The following CNTNAP2 variants were observed in gnomAD, a reference collection of about 807,000 sequenced individuals.
CNTNAP2 encodes the protein contactin-associated protein-like 2.
In CNTNAP2, 98 loss-of-function variants were observed where a neutral mutation model predicts 155.2. The observed-to-expected ratio is 0.63, with a 90% CI of 0.54 to 0.75. The LOEUF is 0.75. Ranked by LOEUF, CNTNAP2 falls within the 30% of genes least tolerant of loss-of-function variation. The pLI is 0.00. For missense variants in CNTNAP2, 1,727 were observed against 1,688.1 expected (o/e 1.02, Z -0.40); for synonymous variants, 651 against 631.2 (o/e 1.03, Z -0.47).
chr7:148,303,527 C>T (rs1219868780), intron 21 of CNTNAP2, among the ~76,000 whole-genome samples: 1 of 152,180 alleles, frequency 6.6e-6, no homozygotes, highest in African/African-American at 2.4e-5. Context: ...CGTGTTGCAG[C>T]TGAAATTTCT....
At chr7:146,151,685 T>TATATATATAA (rs1798051744) in intron 1 of CNTNAP2, among the ~76,000 whole-genome samples, 1 of 50,806 alleles carries the variant, frequency 2.0e-5, no homozygotes, top group Non-Finnish European at 3.7e-5. Context: ...TATATATGTA[T>TATATATATAA]ATATATATAT....
chr7:146,932,468 A>G (rs1585165651), intron 3 of CNTNAP2, among the ~76,000 whole-genome samples: 1 of 152,092 alleles, frequency 6.6e-6, no homozygotes, highest in East Asian at 1.9e-4. Context: ...TGACAAACCC[A>G]CAGCCAATAT....
At chr7:146,669,719 C>A (rs1350478919) in intron 1 of CNTNAP2, among the ~76,000 whole-genome samples, 1 of 152,124 alleles carries the variant, frequency 6.6e-6, no homozygotes, top group African/African-American at 2.4e-5. Context: ...AAGGTCAAAA[C>A]ATCTCCCTCC....
intron 2 of CNTNAP2, among the ~76,000 whole-genome samples, chr7:146,801,939 G>A (rs1404248796): frequency 2.0e-5 from 3 of 152,312 alleles, no homozygotes; most frequent in African/African-American, 7.2e-5. Context: ...GAATCTCAGT[G>A]ACCATGCTGG....
chr7:146,576,585 T>C (rs140898593), intron 1 of CNTNAP2, among the ~76,000 whole-genome samples: 50 of 152,224 alleles, frequency 3.3e-4, no homozygotes, highest in Middle Eastern at 3.4e-3. Flanking sequence ...AATTGTGATA[T>C]TTTAGGCAGT....
intron 15 of CNTNAP2, chr7:148,044,667 T>A (rs1274248491): frequency 6.6e-6 from 1 of 152,300 alleles, no homozygotes; most frequent in African/African-American, 2.4e-5. Flanking sequence ...CCAAATCTAC[T>A]GCTACCTCTG....
At chr7:146,596,641 A>AGAGAGAGAGAGAGAGAGAG (rs1798866155) in intron 1 of CNTNAP2, among the ~76,000 whole-genome samples, 2 of 60,248 alleles carry the variant, frequency 3.3e-5, no homozygotes, top group Non-Finnish European at 8.2e-5. Context: ...GAGAGAGAGA[A>AGAGAGAGAGAGAGAGAGAG]ATTGTTGAGG....
intron 11 of CNTNAP2, among the ~76,000 whole-genome samples, chr7:147,520,667 T>G (rs1462213306): frequency 6.6e-6 from 1 of 152,226 alleles, no homozygotes; most frequent in Non-Finnish European, 1.5e-5. Flanking sequence ...ATAGGCCTAC[T>G]GCTTATCAAG....
chr7:147,067,828 C>T (rs545216309), intron 4 of CNTNAP2, among the ~76,000 whole-genome samples: 2 of 152,208 alleles, frequency 1.3e-5, no homozygotes, highest in East Asian at 1.9e-4. Flanking sequence ...CCTCTCGATT[C>T]GCATTCGGTT....
intron 1 of CNTNAP2, among the ~76,000 whole-genome samples, chr7:146,742,934 A>G (rs1187723897): frequency 6.6e-6 from 1 of 152,204 alleles, no homozygotes; most frequent in Non-Finnish European, 1.5e-5. Flanking sequence ...CTAAAATTCT[A>G]AAGGTTGAAT....
chr7:147,569,275 A>G (rs938587550), intron 12 of CNTNAP2, among the ~76,000 whole-genome samples: 2 of 152,202 alleles, frequency 1.3e-5, no homozygotes, highest in Non-Finnish European at 2.9e-5. Flanking sequence ...AAGTTTTACA[A>G]GTACAGTGTG....
chr7:146,872,631 A>G (rs1795336667), intron 3 of CNTNAP2, among the ~76,000 whole-genome samples: 1 of 152,208 alleles, frequency 6.6e-6, no homozygotes, highest in African/African-American at 2.4e-5. Flanking sequence ...TGGATAGTGC[A>G]TGCTTAGCTT....
chr7:146,267,861 G>T (rs1339634561), intron 1 of CNTNAP2, among the ~76,000 whole-genome samples: 1 of 152,124 alleles, frequency 6.6e-6, no homozygotes, highest in African/African-American at 2.4e-5. Context: ...AAATTAAAAA[G>T]AGCTATGATA....
At position 146,398,331 on chromosome 7, in the gene CNTNAP2, C is replaced by T. The variant is rs557268851; in HGVS notation, c.97+281358C>T. 5.3e-5 allele frequency among the ~76,000 whole-genome samples: 8 copies of T among 151,736 alleles called. No individual in the cohort carries two copies. The East Asian group carries it at 5.9e-4, about 11-fold the overall frequency. On this transcript the variant is annotated intron_variant, in intron 1 of 23. Coordinates refer to ENST00000361727, the MANE Select transcript of CNTNAP2 (RefSeq NM_014141.6). ...CTTATAATCATGGTGGAAAGGGAAA[C>T]AAGCATGTCCTTCTTCACGTGGTGG...
At chr7:147,506,128 A>G (rs919867093) in intron 11 of CNTNAP2, among the ~76,000 whole-genome samples, 3 of 152,236 alleles carry the variant, frequency 2.0e-5, no homozygotes, top group Non-Finnish European at 4.4e-5. Flanking sequence ...ATTAAGGACT[A>G]CTAGCAACAG....
At chr7:146,233,691 C>A (rs375867236) in intron 1 of CNTNAP2, among the ~76,000 whole-genome samples, 1 of 152,034 alleles carries the variant, frequency 6.6e-6, no homozygotes, top group South Asian at 2.1e-4. Flanking sequence ...GTTCAATTCC[C>A]ACCTATGAGT....
chr7:146,309,488 T>G (rs1800781070), intron 1 of CNTNAP2, among the ~76,000 whole-genome samples: 1 of 152,122 alleles, frequency 6.6e-6, no homozygotes, highest in South Asian at 2.1e-4. Context: ...ACACTAATTC[T>G]AAATCAGACT....
chr7:148,352,998 T>C (rs1238405338), intron 21 of CNTNAP2, among the ~76,000 whole-genome samples: 1 of 152,168 alleles, frequency 6.6e-6, no homozygotes, highest in African/African-American at 2.4e-5. Flanking sequence ...GTAAAGTGAT[T>C]TTGAGAGATT....
intron 1 of CNTNAP2, among the ~76,000 whole-genome samples, chr7:146,485,653 C>T (rs983425065): frequency 1.3e-5 from 2 of 152,196 alleles, no homozygotes; most frequent in South Asian, 2.1e-4. Flanking sequence ...GACAGGGTCT[C>T]GCTCTGCCAT....
Sources: gnomAD v4.1 joint callset for allele counts (sites outside exome capture counted in the v4.1 genomes callset) on GRCh38, gnomAD v4.1.1 for gene constraint, MANE v1.5 for transcripts, NCBI Gene and HGNC (gene_info 2026-07-23, HGNC 2026-07-21) for gene names.